Variants in IL1RAPL2 observed in about 807,000 individuals in gnomAD.
IL1RAPL2 encodes the protein interleukin 1 receptor accessory protein like 2.
Under a neutral mutation model 44.1 loss-of-function variants are expected in IL1RAPL2, and 3 were observed. That is an observed-to-expected ratio of 0.07 (90% CI 0.03 to 0.18). The LOEUF (loss-of-function observed/expected upper bound fraction) is 0.18. IL1RAPL2 is among the 10% of genes least tolerant of loss of function. The pLI, the probability that IL1RAPL2 is intolerant of heterozygous loss-of-function variation, is 1.00. For missense variants in IL1RAPL2, 391 were observed against 496.4 expected, an observed-to-expected ratio of 0.79 and a Z score of 2.02; for synonymous variants, 181 against 178.8, an observed-to-expected ratio of 1.01 and a Z score of -0.10.
chrX:105,169,780 T>C (rs2033407863), intron 2 of IL1RAPL2, among the ~76,000 whole-genome samples: 1 of 109,628 alleles, frequency 9.1e-6, no homozygotes. Context: ...TCTGCCCGCT[T>C]TGGCCTCCCA....
intron 3 of IL1RAPL2, chrX:105,218,879 G>A (rs1035364231): frequency 1.6e-5 from 5 of 305,005 alleles, no homozygotes; most frequent in Non-Finnish European, 2.8e-5. Flanking sequence ...CTACCACCCC[G>A]GCCCCCGCCA....
At chrX:105,267,264 C>G (rs761618829) in intron 4 of IL1RAPL2, 124 bp from the exon 5 acceptor site, 3 of 581,876 alleles carry the variant, frequency 5.2e-6, no homozygotes, top group Non-Finnish European at 8.3e-6. Flanking sequence ...GACTTAACTC[C>G]TTAGTTACAT....
chrX:105,551,717 CT>C (rs1312011926), intron 6 of IL1RAPL2, among the ~76,000 whole-genome samples: 1 of 112,099 alleles, frequency 8.9e-6, no homozygotes, highest in Admixed American at 9.4e-5. Flanking sequence ...TATAAGTTAT[CT>C]TCCCCCTAAT....
In IL1RAPL2 at chrX:105,665,047, A is replaced by G. The variant is rs781084325; in HGVS notation, c.773-52320A>G. On this transcript the variant is annotated intron_variant, in intron 6 of 10. Coordinates refer to ENST00000372582, the MANE Select transcript of IL1RAPL2 (RefSeq NM_017416.2). Reference sequence around the variant, plus strand: ...GAATACAGTATATAATGCATGTAGCATATAAAATATGTGCTAACTGAATAA... The same window carrying G: ...GAATACAGTATATAATGCATGTAGCGTATAAAATATGTGCTAACTGAATAA... Among the ~76,000 whole-genome samples the G allele has an allele frequency of 7.2e-4, 81 of 112,347 alleles. 1 individual carries two copies. Among genetic ancestry groups the G allele is most frequent in the Non-Finnish European group, 1.1e-4 (6 of 53,335 alleles).
chrX:105,537,286 G>A (rs369401391), intron 6 of IL1RAPL2, among the ~76,000 whole-genome samples: 3 of 111,664 alleles, frequency 2.7e-5, no homozygotes, highest in East Asian at 5.6e-4. Flanking sequence ...AAGAGCTGGT[G>A]TATCTATCTT....
At chrX:104,909,847 C>G (rs2094948655) in intron 2 of IL1RAPL2, among the ~76,000 whole-genome samples, 1 of 112,649 alleles carries the variant, frequency 8.9e-6, no homozygotes. Flanking sequence ...GGCAGGCAGG[C>G]AGGCAGGCCT....
In IL1RAPL2 at chrX:104,750,186, G is replaced by A. The variant is rs1932235119; in HGVS notation, c.82+91191G>A. 3.6e-5 allele frequency among the ~76,000 whole-genome samples: 4 copies of A among 111,586 alleles called. No homozygotes were observed. In the Admixed American group the frequency reaches 3.8e-4, roughly 11 times the overall value. On this transcript the variant is annotated intron_variant, in intron 2 of 10. Coordinates refer to ENST00000372582, the MANE Select transcript of IL1RAPL2 (RefSeq NM_017416.2). ...ATGACTTATTGATAGTCCAGGCTTT[G>A]TACTATTTGAGATGGTAGTTCTTTT...
At chrX:105,328,384 G>T (rs1230837452) in intron 5 of IL1RAPL2, among the ~76,000 whole-genome samples, 7 of 111,752 alleles carry the variant, frequency 6.3e-5, no homozygotes, top group African/African-American at 2.3e-4. Context: ...TTAGTTAAGG[G>T]TAGCTTAATT....
intron 2 of IL1RAPL2, among the ~76,000 whole-genome samples, chrX:104,671,357 C>A (rs140317011): frequency 9.0e-6 from 1 of 111,659 alleles, no homozygotes; most frequent in Non-Finnish European, 1.9e-5. Flanking sequence ...ATTCCCAGCT[C>A]TGAGCATTTT....
chrX:105,760,907 G>A (rs2038681417), intron 10 of IL1RAPL2, among the ~76,000 whole-genome samples: 1 of 111,373 alleles, frequency 9.0e-6, no homozygotes, highest in Non-Finnish European at 1.9e-5. Flanking sequence ...AGCCAGGCAC[G>A]GTGGCTCACG....
intron 6 of IL1RAPL2, among the ~76,000 whole-genome samples, chrX:105,601,165 A>C (rs185274407): frequency 9.0e-6 from 1 of 111,488 alleles, no homozygotes; most frequent in African/African-American, 3.3e-5. Context: ...CTAATATGTT[A>C]TCTGGTATAT....
At chrX:104,951,696 T>A (rs1925590571) in intron 2 of IL1RAPL2, among the ~76,000 whole-genome samples, 1 of 112,415 alleles carries the variant, frequency 8.9e-6, no homozygotes, top group African/African-American at 3.2e-5. Flanking sequence ...CATACCACAA[T>A]TTACTGTCTT....
intron 2 of IL1RAPL2, among the ~76,000 whole-genome samples, chrX:104,863,853 A>G (rs1922551394): frequency 8.9e-6 from 1 of 112,275 alleles, no homozygotes; most frequent in Non-Finnish European, 1.9e-5. Context: ...GAAGAGAAGC[A>G]CAGTTCATAT....
At chrX:104,840,508 T>G (rs919316847) in intron 2 of IL1RAPL2, among the ~76,000 whole-genome samples, 17 of 111,673 alleles carry the variant, frequency 1.5e-4, no homozygotes, top group African/African-American at 5.5e-4. Context: ...TTACAATAAG[T>G]GCCATGCAAC....
intron 2 of IL1RAPL2, among the ~76,000 whole-genome samples, chrX:104,986,793 T>C (rs1278736689): frequency 8.9e-6 from 1 of 112,467 alleles, no homozygotes. Flanking sequence ...ACTTCATCAA[T>C]TTATTCTGTA....
At chrX:105,054,077 G>A (rs1413115269) in intron 2 of IL1RAPL2, among the ~76,000 whole-genome samples, 2 of 111,580 alleles carry the variant, frequency 1.8e-5, no homozygotes, top group African/African-American at 6.5e-5. Flanking sequence ...GGTGGCCAGA[G>A]CCTATTCTGG....
intron 5 of IL1RAPL2, among the ~76,000 whole-genome samples, chrX:105,391,313 G>C (rs2035520178): frequency 9.0e-6 from 1 of 111,174 alleles, no homozygotes; most frequent in Non-Finnish European, 1.9e-5. Flanking sequence ...AAGACTGGCT[G>C]TATCTAAAGA....
chrX:105,225,292 A>G (rs1347563955), intron 3 of IL1RAPL2, among the ~76,000 whole-genome samples: 1 of 112,557 alleles, frequency 8.9e-6, no homozygotes, highest in Non-Finnish European at 1.9e-5. Flanking sequence ...AAGGTGAAGA[A>G]TATTTTGATG....
intron 5 of IL1RAPL2, among the ~76,000 whole-genome samples, chrX:105,381,917 T>A (rs1040981281): frequency 1.8e-5 from 2 of 111,946 alleles, no homozygotes; most frequent in Non-Finnish European, 3.8e-5. Flanking sequence ...GCTAGCCACA[T>A]GTAGAAAGCT....
Sources: gnomAD v4.1 joint callset for allele counts (sites outside exome capture counted in the v4.1 genomes callset) on GRCh38, gnomAD v4.1.1 for gene constraint, MANE v1.5 for transcripts, NCBI Gene and HGNC (gene_info 2026-07-23, HGNC 2026-07-21) for gene names.